The following CACNA1S variants were observed in gnomAD, a reference collection of about 807,000 sequenced individuals.
CACNA1S encodes calcium voltage-gated channel subunit alpha1 S, also known as voltage-dependent L-type calcium channel subunit alpha-1S.
Under a neutral mutation model 207.4 loss-of-function variants are expected in CACNA1S, and 126 were observed. The observed-to-expected ratio is 0.61, with a 90% CI of 0.53 to 0.70. The LOEUF (loss-of-function observed/expected upper bound fraction) is 0.70. Among genes scored for constraint, CACNA1S ranks in the 30% least tolerant of loss-of-function variants. CACNA1S has a pLI of 0.00. For missense variants in CACNA1S, 2,349 were observed against 2,422.8 expected, an observed-to-expected ratio of 0.97 and a Z score of 0.64; for synonymous variants, 960 against 932.7, an observed-to-expected ratio of 1.03 and a Z score of -0.53.
At chr1:201,084,525 G>A (rs1048568303) in intron 9 of CACNA1S, among the ~76,000 whole-genome samples, 5 of 152,206 alleles carry the variant, frequency 3.3e-5, no homozygotes, top group African/African-American at 1.2e-4. Flanking sequence ...GCGAGAGAGC[G>A]TGGAGTGTGC....
At chr1:201,075,148 C>A (rs1661561165) in intron 13 of CACNA1S, among the ~76,000 whole-genome samples, 1 of 152,196 alleles carries the variant, frequency 6.6e-6, no homozygotes, top group Admixed American at 6.5e-5. Flanking sequence ...TGGCTCCCTG[C>A]CTGCCTCTGA....
chr1:201,069,278 G>T, intron 18 of CACNA1S, 82 bp from the exon 19 acceptor site: 1 of 1,468,332 alleles, frequency 6.8e-7, no homozygotes, highest in Non-Finnish European at 9.5e-7. Context: ...CATAAAGCAG[G>T]CAGTCAGAGC....
intron 2 of CACNA1S, among the ~76,000 whole-genome samples, chr1:201,097,433 G>A (rs1219252739): frequency 6.6e-6 from 1 of 150,884 alleles, no homozygotes; most frequent in East Asian, 1.9e-4. Context: ...CTCTCTAGCT[G>A]CCCCAGCCTC....
In CACNA1S at chr1:201,053,363, C is replaced by A; in HGVS notation, c.3796-89G>T. 6.2e-7 allele frequency: 1 copy of A among 1,611,606 alleles called. No homozygotes were observed. The highest frequency in any genetic ancestry group is 8.5e-7 in the Non-Finnish European group (1 of 1,178,042). On this transcript the variant is annotated intron_variant, in intron 30 of 43. Coordinates refer to ENST00000362061, the MANE Select transcript of CACNA1S (RefSeq NM_000069.3). This position sits in a 1 kb window ranked among gnomAD's most constrained non-coding sequence, Gnocchi z 5.1. Reference sequence around the variant, plus strand: ...CCTCTGTTAGCTCCCCAGGGCTCTGCCTTGCCCAGGGCTCCCCTGGGGCCC... The same window carrying A: ...CCTCTGTTAGCTCCCCAGGGCTCTGACTTGCCCAGGGCTCCCCTGGGGCCC...
At chr1:201,061,119 G>C in intron 25 of CACNA1S, 148 bp downstream of exon 25, 1 of 726,168 alleles carries the variant, frequency 1.4e-6, no homozygotes, top group Non-Finnish European at 2.4e-6. Context: ...TTGGAGATAG[G>C]GTAGGGTGCA....
At chr1:201,048,559 C>T (rs1220078323) in intron 36 of CACNA1S, 23 bp downstream of exon 36, 2 of 1,552,402 alleles carry the variant, frequency 1.3e-6, no homozygotes, top group African/African-American at 1.4e-5. Context: ...AAGGAGGGGG[C>T]TCACATTGGA....
chr1:201,054,375 G>A (rs1227420739), intron 29 of CACNA1S, 130 bp downstream of exon 29: 15 of 939,190 alleles, frequency 1.6e-5, no homozygotes, highest in Non-Finnish European at 2.4e-5. Flanking sequence ...TCCTCAGCAG[G>A]GCCTGCCCTG....
intron 22 of CACNA1S, among the ~76,000 whole-genome samples, chr1:201,063,992 T>C (rs1174006073): frequency 3.3e-5 from 5 of 152,230 alleles, no homozygotes; most frequent in African/African-American, 9.6e-5. Flanking sequence ...GTTATGCTTC[T>C]AGAACCTCCT....
rs1660609721 is a variant in CACNA1S, at chr1:201,050,395, T to A, written c.4235A>T (p.Glu1412Val). The change falls in exon 34 of 44, where the codon GAG (glutamate) becomes GTG (valine). Residue 1412 changes from glutamate to valine, a missense_variant. Glu to Val is a moderately radical substitution (Grantham distance 121, BLOSUM62 -2). Coordinates refer to ENST00000362061, the MANE Select transcript of CACNA1S (RefSeq NM_000069.3). Reference sequence around the variant, plus strand: ...GCCTACAGATTGGACTCACTTAGCCTCTGGGTCATACTCTGCCCAGATGGC... The same window carrying A: ...GCCTACAGATTGGACTCACTTAGCCACTGGGTCATACTCTGCCCAGATGGC... Reference protein sequence around the residue: ...FKAIWAEYDPEAKGRIKHLDV... With the variant: ...FKAIWAEYDPVAKGRIKHLDV... 1 of 1,614,010 alleles carries A rather than the reference T, an allele frequency of 6.2e-7. No individual in the cohort carries two copies. The highest frequency in any genetic ancestry group is 1.3e-5 in the African/African-American group (1 of 74,908).
chr1:201,060,030 C>T (rs1660985644), intron 26 of CACNA1S, among the ~76,000 whole-genome samples: 1 of 152,198 alleles, frequency 6.6e-6, no homozygotes, highest in South Asian at 2.1e-4. Context: ...AAACACAAGC[C>T]AGTGCTGATG....
intron 1 of CACNA1S, among the ~76,000 whole-genome samples, chr1:201,110,841 G>A (rs1034532778): frequency 2.0e-4 from 30 of 152,104 alleles, no homozygotes; most frequent in South Asian, 4.1e-4. Context: ...CACCCACCCC[G>A]CCACAGCCAT....
At chr1:201,090,955 T>C (rs1662206281) in intron 5 of CACNA1S, among the ~76,000 whole-genome samples, 1 of 152,252 alleles carries the variant, frequency 6.6e-6, no homozygotes, top group African/African-American at 2.4e-5. Context: ...TCTCATGTCA[T>C]GGGTTTCTTA....
chr1:201,056,215 G>C (rs142446456), intron 28 of CACNA1S, among the ~76,000 whole-genome samples: 1 of 152,184 alleles, frequency 6.6e-6, no homozygotes, highest in African/African-American at 2.4e-5. Context: ...GGGTGAACAG[G>C]GTTCCCACCC....
chr1:201,043,320 T>C lies in CACNA1S; in HGVS notation c.5009A>G (p.Tyr1670Cys). 8 of 1,614,218 alleles carry C rather than the reference T, an allele frequency of 5.0e-6. No homozygotes were observed. Among genetic ancestry groups the C allele is most frequent in the Admixed American group, 1.7e-5 (1 of 60,028 alleles). Residue 1670 changes from tyrosine to cysteine, a missense_variant, in exon 40 of 44, where the codon TAT (tyrosine) becomes TGT (cysteine). By Grantham distance (194) the Tyr-to-Cys change is radical. Transcript: ENST00000362061. ...NTNNANANVA[Y>C]GNSNHSNSHV... is the part of the protein sequence containing the mutation. ...GCTGTTGCTATGGTTGCTGTTGCCA[T>C]AGGCGACATTGGCGTTGGCATTGTT...
intron 2 of CACNA1S, among the ~76,000 whole-genome samples, chr1:201,100,554 C>T (rs1018211727): frequency 6.6e-6 from 1 of 152,168 alleles, no homozygotes; most frequent in African/African-American, 2.4e-5. Flanking sequence ...GTCTCATTTC[C>T]CTCTTCCAGT....
intron 34 of CACNA1S, among the ~76,000 whole-genome samples, chr1:201,049,929 A>C (rs939629863): frequency 6.6e-6 from 1 of 152,136 alleles, no homozygotes; most frequent in Admixed American, 6.5e-5. Flanking sequence ...CCTATTTCCT[A>C]TCGGGAAGGA....
rs1368934909 is a variant in CACNA1S at position 201,066,510 on chromosome 1, G to A, written c.2658-194C>T. 6.6e-6 allele frequency among the ~76,000 whole-genome samples: 1 copy of A among 152,124 alleles called. No individual in the cohort carries two copies. Among genetic ancestry groups the A allele is most frequent in the Non-Finnish European group, 1.5e-5 (1 of 67,998 alleles). ...AGGGCACAGCCACCCCTGCTATCTG[G>A]ACCATGCTCTCATGGGTGTGTCATG... On this transcript the variant is annotated intron_variant, in intron 20 of 43. Transcript: ENST00000362061. The surrounding 1 kb of genome is among the most constrained non-coding windows in gnomAD (Gnocchi z 4.3).
At chr1:201,065,576 C>A (rs1661209441) in intron 22 of CACNA1S, among the ~76,000 whole-genome samples, 1 of 152,234 alleles carries the variant, frequency 6.6e-6, no homozygotes, top group Non-Finnish European at 1.5e-5. Flanking sequence ...GTGTTAGAAG[C>A]CCATTGACTG....
At chr1:201,062,144 C>A in intron 23 of CACNA1S, 54 bp from the exon 24 acceptor site, 2 of 1,591,216 alleles carry the variant, frequency 1.3e-6, no homozygotes, top group East Asian at 2.3e-5. Flanking sequence ...TGCCTTGCCC[C>A]ACCCACATCC....
Sources: gnomAD v4.1 joint callset for allele counts (sites outside exome capture counted in the v4.1 genomes callset) on GRCh38, gnomAD v4.1.1 for gene constraint, Gnocchi (gnomAD v3.1) non-coding constraint, MANE v1.5 for transcripts, NCBI Gene and HGNC (gene_info 2026-07-23, HGNC 2026-07-21) for gene names.